TMEM170A: variants seen among roughly 807,000 people sequenced by gnomAD.
TMEM170A encodes the protein transmembrane protein 170.
TMEM170A carries 18 observed loss-of-function variants against 12.8 expected under a neutral mutation model. That is an observed-to-expected ratio of 1.41 (90% CI 0.97 to 2.09). The LOEUF (loss-of-function observed/expected upper bound fraction) is 2.09. TMEM170A is among the 30% of genes most tolerant of loss of function. TMEM170A has a pLI of 0.00. For synonymous variants in TMEM170A, 107 were observed against 76.2 expected, an observed-to-expected ratio of 1.40 and a Z score of -2.11; for missense variants, 220 against 179.9, an observed-to-expected ratio of 1.22 and a Z score of -1.28.
chr16:75,457,319 T>C (rs532735212), intron 1 of TMEM170A, among the ~76,000 whole-genome samples: 3 of 152,294 alleles, frequency 2.0e-5, no homozygotes, highest in Non-Finnish European at 2.9e-5. Flanking sequence ...GGAAAGCAGG[T>C]TGGAACACAG....
intron 2 of TMEM170A, among the ~76,000 whole-genome samples, chr16:75,450,508 T>C (rs2079663551): frequency 6.6e-6 from 1 of 152,168 alleles, no homozygotes; most frequent in Admixed American, 6.5e-5. Context: ...TGTAACTGTT[T>C]CTTATCCCAT....
At position 75,446,606 on chromosome 16, in the gene TMEM170A, C is replaced by G. The variant is rs983948596; in HGVS notation, c.*952G>C. ...CATTAAGCTAAAAAATCAATAACCA[C>G]TAACTCTAGTTTCAGATGCACTTCT... On this transcript the variant is annotated 3_prime_UTR_variant, in exon 3 of 3. Transcript: ENST00000561878. The G allele has an allele frequency of 3.9e-5, 6 of 152,176 alleles. No homozygotes were observed. Among genetic ancestry groups the G allele is most frequent in the African/African-American group, 1.4e-4 (6 of 41,444 alleles). 9.4% of individuals were successfully genotyped at this position (152,176 alleles called of 1,614,324 possible).
chr16:75,458,893 A>C (rs1431477083), intron 1 of TMEM170A: 1 of 151,982 alleles, frequency 6.6e-6, no homozygotes, highest in Non-Finnish European at 1.5e-5. Flanking sequence ...ACAGAGACAT[A>C]TCTTTTTTTT....
intron 2 of TMEM170A, among the ~76,000 whole-genome samples, chr16:75,449,321 CA>C (rs2079639713): frequency 7.2e-6 from 1 of 138,840 alleles, no homozygotes; most frequent in South Asian, 2.4e-4. Flanking sequence ...GTGTCTCAAT[CA>C]CGTTTACAAT....
intron 1 of TMEM170A, among the ~76,000 whole-genome samples, chr16:75,456,628 A>G (rs1048504529): frequency 2.0e-5 from 3 of 152,172 alleles, no homozygotes; most frequent in African/African-American, 7.2e-5. Context: ...TCTAGCCGCC[A>G]TTAGGCCAGG....
Position 75,447,417 on chromosome 16 carries a change from G to A in TMEM170A, c.*141C>T. On this transcript the variant is annotated 3_prime_UTR_variant, in exon 3 of 3. Coordinates refer to ENST00000561878, the MANE Select transcript of TMEM170A (RefSeq NM_145254.3). ...CTAGGAGCTTCAAAATGAAGAAAAGGCTGAGATGTGTTGTCCTTCATGTTC... is the reference window on the plus strand; with the variant it reads ...CTAGGAGCTTCAAAATGAAGAAAAGACTGAGATGTGTTGTCCTTCATGTTC... The A allele has an allele frequency of 1.1e-6, 1 of 884,102 alleles. No individual in the cohort carries two copies. The highest frequency in any genetic ancestry group is 1.6e-6 in the Non-Finnish European group (1 of 639,568). 54.8% of individuals were successfully genotyped at this position (884,102 alleles called of 1,614,324 possible).
intron 1 of TMEM170A, among the ~76,000 whole-genome samples, chr16:75,452,349 G>C (rs956620479): frequency 3.9e-5 from 6 of 152,262 alleles, no homozygotes; most frequent in African/African-American, 1.4e-4. Context: ...GCTCACTGCA[G>C]CCTTGACCTC....
chr16:75,448,677 C>G (rs4887827), intron 2 of TMEM170A, among the ~76,000 whole-genome samples: 1 of 151,564 alleles, frequency 6.6e-6, no homozygotes. Flanking sequence ...GGCAGGAGAG[C>G]TGCTTGAACC....
rs1330669788 is a variant in TMEM170A, at chr16:75,447,372, G to A, written c.*186C>T. ...CTTGTTTTGGTTGAGAACAATAGGA[G>A]TCCACATAAGTCTTCAATTCTAGGA... On this transcript the variant is annotated 3_prime_UTR_variant, in exon 3 of 3. Coordinates refer to ENST00000561878, the MANE Select transcript of TMEM170A (RefSeq NM_145254.3). 1 of 505,128 alleles carries A rather than the reference G, an allele frequency of 2.0e-6. No individual in the cohort carries two copies. Among genetic ancestry groups the A allele is most frequent in the Non-Finnish European group, 3.1e-6 (1 of 317,944 alleles). 31.3% of individuals were successfully genotyped at this position (505,128 alleles called of 1,614,324 possible).
chr16:75,454,294 C>T (rs1384758851), intron 1 of TMEM170A, among the ~76,000 whole-genome samples: 1 of 152,122 alleles, frequency 6.6e-6, no homozygotes, highest in East Asian at 1.9e-4. Context: ...GATTAAAAAC[C>T]ACGGGCTTTA....
Position 75,464,524 on chromosome 16 carries a change from G to A in TMEM170A, c.77C>T (p.Pro26Leu). ...LQQILSLKVVPRVGNGTLCPN... is the reference protein window; with the variant it reads ...LQQILSLKVVLRVGNGTLCPN... The stretch of plus-strand genomic sequence containing the variant: ...GCACAGGGTCCCGTTGCCCACCCGC[G>A]GCACAACCTTCAGGCTCAGGATCTG... Residue 26 changes from proline (P) to leucine (L), a missense_variant, in exon 1 of 3, where the codon CCG becomes CTG. By Grantham distance (98) the Pro-to-Leu change is moderately conservative. Coordinates refer to ENST00000561878, the MANE Select transcript of TMEM170A (RefSeq NM_145254.3). 6.3e-7 allele frequency: 1 copy of A among 1,586,062 alleles called. No homozygotes were observed. Among genetic ancestry groups the A allele is most frequent in the Non-Finnish European group, 8.6e-7 (1 of 1,168,814 alleles).
At chr16:75,461,894 T>C (rs1441146836) in intron 1 of TMEM170A, among the ~76,000 whole-genome samples, 1 of 152,162 alleles carries the variant, frequency 6.6e-6, no homozygotes, top group African/African-American at 2.4e-5. Flanking sequence ...AGTAAAACAA[T>C]TCACATGGCT....
At chr16:75,457,674 C>T (rs1406565064) in intron 1 of TMEM170A, among the ~76,000 whole-genome samples, 2 of 152,204 alleles carry the variant, frequency 1.3e-5, no homozygotes, top group African/African-American at 2.4e-5. Context: ...CAGCCCCTGC[C>T]CCAGGAGGCC....
chr16:75,449,861 A>G (rs1417986398), intron 2 of TMEM170A, among the ~76,000 whole-genome samples: 4 of 152,200 alleles, frequency 2.6e-5, no homozygotes, highest in Non-Finnish European at 4.4e-5. Context: ...TGGGCCCTAA[A>G]GTGGGATTGG....
chr16:75,450,324 C>A (rs1360844142), intron 2 of TMEM170A, among the ~76,000 whole-genome samples: 2 of 151,854 alleles, frequency 1.3e-5, no homozygotes, highest in Non-Finnish European at 2.9e-5. Flanking sequence ...TTTATGTTTA[C>A]ATCTATACCT....
chr16:75,452,379 C>T (rs553803536), intron 1 of TMEM170A, among the ~76,000 whole-genome samples: 90 of 152,138 alleles, frequency 5.9e-4, no homozygotes, highest in African/African-American at 2.1e-3. Context: ...GGTGTTCTCC[C>T]GCCTCAGCCT....
chr16:75,448,373 C>G (rs2079624428), intron 2 of TMEM170A, among the ~76,000 whole-genome samples: 1 of 152,164 alleles, frequency 6.6e-6, no homozygotes, highest in Non-Finnish European at 1.5e-5. Flanking sequence ...AAACGAAAAC[C>G]CCTGTATCTA....
intron 1 of TMEM170A, among the ~76,000 whole-genome samples, chr16:75,455,181 C>A (rs975281289): frequency 1.3e-5 from 2 of 152,016 alleles, no homozygotes; most frequent in Non-Finnish European, 2.9e-5. Flanking sequence ...CACGGTAAAA[C>A]CCCGTCTCTA....
At chr16:75,448,104 G>C (rs890970190) in intron 2 of TMEM170A, among the ~76,000 whole-genome samples, 1 of 152,202 alleles carries the variant, frequency 6.6e-6, no homozygotes, top group African/African-American at 2.4e-5. Flanking sequence ...AGGATCTTTT[G>C]AGTTAGACTA....
Sources: gnomAD v4.1 joint callset for allele counts (sites outside exome capture counted in the v4.1 genomes callset) on GRCh38, gnomAD v4.1.1 for gene constraint, MANE v1.5 for transcripts, NCBI Gene and HGNC (gene_info 2026-07-23, HGNC 2026-07-21) for gene names.